The following FLT3 variants were observed in gnomAD, a reference collection of about 807,000 sequenced individuals.
FLT3 encodes fms related receptor tyrosine kinase 3, also known as receptor-type tyrosine-protein kinase FLT3.
Under a neutral mutation model 126.6 loss-of-function variants are expected in FLT3, and 46 were observed. The ratio of observed to expected loss-of-function variants is 0.36; its 90% CI spans 0.29 to 0.46. The LOEUF is 0.46. Among genes scored for constraint, FLT3 ranks in the 20% least tolerant of loss-of-function variants. FLT3 has a pLI of 1.00. For missense variants in FLT3, 1,069 were observed against 1,190.3 expected, an observed-to-expected ratio of 0.90 and a Z score of 1.50; for synonymous variants, 404 against 434.4, an observed-to-expected ratio of 0.93 and a Z score of 0.87.
chr13:28,005,632 A>G (rs1252746629), intron 23 of FLT3, among the ~76,000 whole-genome samples: 1 of 152,156 alleles, frequency 6.6e-6, no homozygotes, highest in Non-Finnish European at 1.5e-5. Context: ...TGCACACTCA[A>G]TCTAGTCTGA....
intron 2 of FLT3, among the ~76,000 whole-genome samples, chr13:28,062,323 C>G (rs888884670): frequency 1.3e-5 from 2 of 152,130 alleles, no homozygotes; most frequent in African/African-American, 4.8e-5. Flanking sequence ...CCCCCTACCT[C>G]TGCAAGTTCA....
rs189214063 is a variant in FLT3 at position 28,036,675 on chromosome 13, T to C, written c.1309+510A>G. Among the ~76,000 whole-genome samples the C allele has an allele frequency of 3.1e-3, 473 of 152,312 alleles. 2 individuals carry two copies. The highest frequency in any genetic ancestry group is 4.0e-3 in the Non-Finnish European group (275 of 68,040). ...AAATAAGTCTTTCAGCTTCTGATGA[T>C]ACACACAGAAAGAGATATATGGCCA... On this transcript the variant is annotated intron_variant, in intron 10 of 23. Transcript: ENST00000241453.
At chr13:28,022,738 CT>C (rs1566062834) in intron 19 of FLT3, among the ~76,000 whole-genome samples, 1 of 152,076 alleles carries the variant, frequency 6.6e-6, no homozygotes, top group African/African-American at 2.4e-5. Context: ...CTATGATCTG[CT>C]TATAGGCAGG....
intron 1 of FLT3, 58 bp from the exon 2 acceptor site, chr13:28,070,670 T>C (rs1566096813): frequency 4.5e-6 from 6 of 1,343,972 alleles, no homozygotes; most frequent in African/African-American, 2.9e-5. Context: ...AAAGAAAACA[T>C]GCATTTATCT....
rs1314440817 is a variant in FLT3 at position 28,070,621 on chromosome 13, CA to C, written c.44-10del. 1 of 1,586,866 alleles carries C rather than the reference CA, an allele frequency of 6.3e-7. No homozygotes were observed. Among genetic ancestry groups the C allele is most frequent in the Non-Finnish European group, 8.6e-7 (1 of 1,160,250 alleles). ...CATTGCAGAAAAAACAACTGTAAAACAAAATAAAAATGATAATGTTGATACA... is the reference window on the plus strand; with the variant it reads ...CATTGCAGAAAAAACAACTGTAAAACAAATAAAAATGATAATGTTGATACA... On this transcript the variant is annotated splice_polypyrimidine_tract_variant and intron_variant, in intron 1 of 23. Coordinates refer to ENST00000241453, the MANE Select transcript of FLT3 (RefSeq NM_004119.3).
chr13:28,040,763 G>A (rs1033684644), intron 9 of FLT3, among the ~76,000 whole-genome samples: 5 of 152,106 alleles, frequency 3.3e-5, no homozygotes, highest in Non-Finnish European at 4.4e-5. Flanking sequence ...CTGAGAGGCC[G>A]AGGAGGGTGC....
At chr13:28,030,990 G>C (rs1873276838) in intron 15 of FLT3, among the ~76,000 whole-genome samples, 1 of 152,122 alleles carries the variant, frequency 6.6e-6, no homozygotes, top group Non-Finnish European at 1.5e-5. Context: ...ACTTTGGGAG[G>C]CTGAGACAGG....
chr13:28,032,958 A>T (rs1388572213), intron 15 of FLT3, among the ~76,000 whole-genome samples: 6 of 152,198 alleles, frequency 3.9e-5, no homozygotes, highest in Non-Finnish European at 7.3e-5. Context: ...CGGTGAGGCC[A>T]GCAATGGGGC....
rs1872068777 is a variant in FLT3 at position 28,018,317 on chromosome 13, A to T, written c.2541+150T>A. On this transcript the variant is annotated intron_variant, in intron 20 of 23. Transcript: ENST00000241453. Reference sequence around the variant, plus strand: ...GAAGATTCCCTGAAGCTGCAGAAAAACCTTTTAAGCATAAGTAAGCAGACT... The same window carrying T: ...GAAGATTCCCTGAAGCTGCAGAAAATCCTTTTAAGCATAAGTAAGCAGACT... 5.1e-6 allele frequency: 4 copies of T among 788,890 alleles called. No individual in the cohort carries two copies. In the East Asian group the frequency reaches 1.1e-4, roughly 22 times the overall value. The allele number at this position is 788,890 out of a possible 1,614,324, so 48.9% of individuals were successfully genotyped here. A position where few individuals can be genotyped will look rare whatever the true frequency, so the allele number is the denominator to read the frequency against.
chr13:28,029,588 T>C lies in FLT3; in HGVS notation c.1943-1300A>G, dbSNP rs374057316. 9.2e-5 allele frequency among the ~76,000 whole-genome samples: 14 copies of C among 152,046 alleles called. 1 individual carries two copies. The highest frequency in any genetic ancestry group is 3.4e-4 in the African/African-American group (14 of 41,322). ...TTAACAGAAGGGAGAAACGTCCTTT[T>C]TGTTTGTTTGTTTGAACTCTTGGAT... On this transcript the variant is annotated intron_variant, in intron 15 of 23. Coordinates refer to ENST00000241453, the MANE Select transcript of FLT3 (RefSeq NM_004119.3).
intron 15 of FLT3, among the ~76,000 whole-genome samples, chr13:28,033,625 G>A (rs1194777375): frequency 6.6e-6 from 1 of 152,178 alleles, no homozygotes; most frequent in African/African-American, 2.4e-5. Context: ...CAGCCTAGGT[G>A]ACAGAGTGAG....
At chr13:28,043,235 G>T (rs1308062465) in intron 9 of FLT3, among the ~76,000 whole-genome samples, 2 of 151,776 alleles carry the variant, frequency 1.3e-5, no homozygotes, top group Admixed American at 6.6e-5. Flanking sequence ...GGTAGATTTG[G>T]AATTTGTAAT....
intron 20 of FLT3, 22 bp from the exon 21 acceptor site, chr13:28,015,723 T>C: frequency 6.9e-7 from 1 of 1,453,336 alleles, no homozygotes; most frequent in Non-Finnish European, 9.6e-7. Context: ...CCAGAGGAGA[T>C]AAGATGGTGA....
intron 23 of FLT3, among the ~76,000 whole-genome samples, chr13:28,004,652 A>G (rs1462493253): frequency 1.3e-5 from 2 of 152,214 alleles, no homozygotes; most frequent in Non-Finnish European, 2.9e-5. Context: ...TAATAGATGT[A>G]CATATTTTCA....
At position 28,097,323 on chromosome 13, in the gene FLT3, A is replaced by G. The variant is rs187869899; in HGVS notation, c.43+3145T>C. ...AAATAAAAACAGATTTTTTCTTCCT[A>G]ATGCATGTTTTCTCTTCATTTTTCT... On this transcript the variant is annotated intron_variant, in intron 1 of 23. Coordinates refer to ENST00000241453, the MANE Select transcript of FLT3 (RefSeq NM_004119.3). Among the ~76,000 whole-genome samples, 177 of 152,266 alleles carry G rather than the reference A, an allele frequency of 1.2e-3. 1 individual carries two copies. The highest frequency in any genetic ancestry group is 4.0e-3 in the African/African-American group (168 of 41,562).
intron 1 of FLT3, among the ~76,000 whole-genome samples, chr13:28,096,302 C>A (rs775174466): frequency 6.6e-6 from 1 of 151,882 alleles, no homozygotes; most frequent in African/African-American, 2.4e-5. Context: ...TGCAGTGAGC[C>A]GAGACTGTAC....
intron 1 of FLT3, among the ~76,000 whole-genome samples, chr13:28,090,946 T>C (rs1292291335): frequency 6.6e-6 from 1 of 152,012 alleles, no homozygotes; most frequent in Non-Finnish European, 1.5e-5. Flanking sequence ...GCTCTCAAAG[T>C]GGTACACTTT....
At chr13:28,072,019 C>A (rs7988463) in intron 1 of FLT3, among the ~76,000 whole-genome samples, 3 of 151,988 alleles carry the variant, frequency 2.0e-5, no homozygotes, top group Admixed American at 2.0e-4. Context: ...TCCTTCTCCA[C>A]CCTCTTTGTC....
At chr13:28,086,593 T>C (rs959282751) in intron 1 of FLT3, among the ~76,000 whole-genome samples, 1 of 151,846 alleles carries the variant, frequency 6.6e-6, no homozygotes, top group African/African-American at 2.4e-5. Flanking sequence ...TCATTTTGTA[T>C]TATTTTTCCT....
Sources: allele counts gnomAD v4.1 joint callset (sites outside exome capture counted in the v4.1 genomes callset), GRCh38; gene constraint gnomAD v4.1.1; transcripts MANE v1.5; gene names NCBI Gene and HGNC (gene_info 2026-07-23, HGNC 2026-07-21).